The following PARD6B variants were observed in gnomAD, a reference collection of about 807,000 sequenced individuals.
The protein encoded by PARD6B is partitioning defective 6 homolog beta.
Under a neutral mutation model 10.5 loss-of-function variants are expected in PARD6B, and 4 were observed. The observed-to-expected ratio is 0.38, with a 90% CI of 0.19 to 0.87. PARD6B has a LOEUF of 0.87. Ranked by LOEUF, PARD6B falls within the 40% of genes least tolerant of loss-of-function variation. The probability of loss-of-function intolerance (pLI) is 0.41; values close to 1 mark genes in which losing one functional copy is unlikely to be tolerated. For missense variants in PARD6B, 396 were observed against 470.6 expected, an observed-to-expected ratio of 0.84 and a Z score of 1.47; for synonymous variants, 169 against 170.4, an observed-to-expected ratio of 0.99 and a Z score of 0.07.
intron 1 of PARD6B, 27 bp from the exon 2 acceptor site, chr20:50,737,830 T>TA (rs2087508003): frequency 2.9e-6 from 4 of 1,381,686 alleles, no homozygotes; most frequent in Non-Finnish European, 3.8e-6. Context: ...TTTTTTTTTT[T>TA]AAGTAATATG....
intron 2 of PARD6B, among the ~76,000 whole-genome samples, chr20:50,747,708 A>G (rs1005080949): frequency 1.1e-4 from 17 of 151,910 alleles, no homozygotes; most frequent in African/African-American, 3.9e-4. Context: ...TTTATAGACT[A>G]TCTTCCTTCA....
At chr20:50,732,232 G>A (rs188482634) in intron 1 of PARD6B, among the ~76,000 whole-genome samples, 40 of 152,324 alleles carry the variant, frequency 2.6e-4, no homozygotes, top group Admixed American at 2.4e-3. Flanking sequence ...AAGGGCCCTG[G>A]ACCACCCCGT....
chr20:50,746,341 G>T (rs1174886670), intron 2 of PARD6B, among the ~76,000 whole-genome samples: 2 of 152,198 alleles, frequency 1.3e-5, no homozygotes, highest in African/African-American at 4.8e-5. Flanking sequence ...CTTCTAGGTG[G>T]ATCCTTGTCT....
intron 1 of PARD6B, among the ~76,000 whole-genome samples, chr20:50,737,558 G>A (rs2087506220): frequency 6.6e-6 from 1 of 152,110 alleles, no homozygotes; most frequent in African/African-American, 2.4e-5. Flanking sequence ...GACAGGGTTT[G>A]AGCTGAGTCA....
rs1354383092 is a variant in PARD6B, at chr20:50,750,586, A to G, written c.*98A>G. 11 of 1,463,836 alleles carry G rather than the reference A, an allele frequency of 7.5e-6. No individual in the cohort carries two copies. The highest frequency in any genetic ancestry group is 9.9e-6 in the Non-Finnish European group (11 of 1,113,592). 90.7% of individuals were successfully genotyped at this position (1,463,836 alleles called of 1,614,324 possible). A position where few individuals can be genotyped will look rare whatever the true frequency, so the allele number is the denominator to read the frequency against. ...ATACCTCTGACCAGTGACGTGGAAT[A>G]GGCATGAGACGAGTAACGTTGCAAG... On this transcript the variant is annotated 3_prime_UTR_variant, in exon 3 of 3. Coordinates refer to ENST00000371610, the MANE Select transcript of PARD6B (RefSeq NM_032521.3).
At chr20:50,735,474 C>T (rs1211672790) in intron 1 of PARD6B, among the ~76,000 whole-genome samples, 1 of 152,212 alleles carries the variant, frequency 6.6e-6, no homozygotes, top group Non-Finnish European at 1.5e-5. Flanking sequence ...AATGTACCAA[C>T]AGACACTGGG....
chr20:50,746,400 C>T (rs1043074548), intron 2 of PARD6B, among the ~76,000 whole-genome samples: 10 of 152,150 alleles, frequency 6.6e-5, no homozygotes, highest in African/African-American at 1.9e-4. Flanking sequence ...GGGATAAATG[C>T]GGTGCTGCTG....
At chr20:50,736,450 G>A (rs776216529) in intron 1 of PARD6B, among the ~76,000 whole-genome samples, 3 of 152,148 alleles carry the variant, frequency 2.0e-5, no homozygotes, top group Non-Finnish European at 2.9e-5. Context: ...TTAGGCAAAC[G>A]TTCGTTTAAA....
chr20:50,732,805 C>T (rs2087478747), intron 1 of PARD6B, among the ~76,000 whole-genome samples: 1 of 151,570 alleles, frequency 6.6e-6, no homozygotes, highest in Non-Finnish European at 1.5e-5. Context: ...CTAGACATTG[C>T]AGAATACAAA....
chr20:50,735,166 A>C (rs908417855), intron 1 of PARD6B, among the ~76,000 whole-genome samples: 6 of 152,198 alleles, frequency 3.9e-5, no homozygotes, highest in Non-Finnish European at 8.8e-5. Context: ...AAATAAAAAA[A>C]TGCAATAAAG....
chr20:50,748,137 C>T (rs2123707567), intron 2 of PARD6B, among the ~76,000 whole-genome samples: 1 of 152,320 alleles, frequency 6.6e-6, no homozygotes, highest in Admixed American at 6.5e-5. Context: ...TCAAGAGTTC[C>T]ATCAAGACCA....
At chr20:50,737,105 C>G (rs2123699715) in intron 1 of PARD6B, among the ~76,000 whole-genome samples, 1 of 152,072 alleles carries the variant, frequency 6.6e-6, no homozygotes, top group African/African-American at 2.4e-5. Flanking sequence ...AAGTATTGGG[C>G]ATGATGGAGG....
chr20:50,750,437 T>G lies in PARD6B; in HGVS notation c.1068T>G (p.His356Gln). 6.2e-7 allele frequency: 1 copy of G among 1,614,130 alleles called. No individual in the cohort carries two copies. The highest frequency in any genetic ancestry group is 8.5e-7 in the Non-Finnish European group (1 of 1,180,020). ...ASSSNTEFET[H>Q]APDQKLLEED... ...GCTCAAACACGGAATTTGAAACACA[T>G]GCTCCAGATCAAAAACTCTTAGAAG... The change falls in exon 3 of 3, where the codon CAT becomes CAG. Residue 356 changes from histidine to glutamine, a missense_variant. By Grantham distance (24) the His-to-Gln change is conservative. Coordinates refer to ENST00000371610, the MANE Select transcript of PARD6B (RefSeq NM_032521.3).
intron 2 of PARD6B, among the ~76,000 whole-genome samples, chr20:50,741,765 C>T (rs934148572): frequency 7.9e-5 from 12 of 151,842 alleles, no homozygotes; most frequent in African/African-American, 2.2e-4. Flanking sequence ...CCAGGATGGT[C>T]TCGATCTCCT....
At chr20:50,743,288 A>G (rs1012363769) in intron 2 of PARD6B, among the ~76,000 whole-genome samples, 6 of 152,206 alleles carry the variant, frequency 3.9e-5, no homozygotes, top group African/African-American at 9.6e-5. Context: ...ACTTCTTGCT[A>G]TAACACCGTC....
intron 1 of PARD6B, among the ~76,000 whole-genome samples, chr20:50,737,551 A>C (rs931459421): frequency 1.3e-5 from 2 of 152,166 alleles, no homozygotes; most frequent in East Asian, 3.9e-4. Context: ...GGCTCCAGAC[A>C]GGGTTTGAGC....
intron 1 of PARD6B, among the ~76,000 whole-genome samples, chr20:50,736,609 C>G (rs949590883): frequency 3.3e-5 from 5 of 151,970 alleles, no homozygotes; most frequent in African/African-American, 1.2e-4. Flanking sequence ...CTTAGGTTTC[C>G]ACGTTTGAGG....
chr20:50,750,347 C>T lies in PARD6B; in HGVS notation c.978C>T (p.Ser326=). Reference sequence around the variant, plus strand: ...AGTCATTAACACAGATAGAGCTAAGCTTTGAGTCTGGACAGAATGGCTTTA... The same window carrying T: ...AGTCATTAACACAGATAGAGCTAAGTTTTGAGTCTGGACAGAATGGCTTTA... ...SLESLTQIEL[S]FESGQNGFIP... is the part of the protein sequence containing the mutation. Residue 326 remains serine (S), a synonymous_variant, in exon 3 of 3, where the codon AGC becomes AGT. Transcript: ENST00000371610. 1 of 1,614,206 alleles carries T rather than the reference C, an allele frequency of 6.2e-7. No individual in the cohort carries two copies. The highest frequency in any genetic ancestry group is 1.6e-4 in the Middle Eastern group (1 of 6,062).
intron 1 of PARD6B, 88 bp from the exon 2 acceptor site, chr20:50,737,769 T>C (rs2087507437): frequency 1.2e-6 from 1 of 832,946 alleles, no homozygotes. Flanking sequence ...CTTGCTCTGC[T>C]CGTTAATTTT....
Sources: gnomAD v4.1 joint callset for allele counts (sites outside exome capture counted in the v4.1 genomes callset) on GRCh38, gnomAD v4.1.1 for gene constraint, MANE v1.5 for transcripts, NCBI Gene and HGNC (gene_info 2026-07-23, HGNC 2026-07-21) for gene names.